REDIC1: variants seen among roughly 807,000 people sequenced by gnomAD.
REDIC1 encodes HEI10 Interacting Protein 1.
At chr12:39,710,677 C>T in the REDIC1 span, among the ~76,000 whole-genome samples, 1 of 151,678 alleles carries the variant, frequency 6.6e-6, no homozygotes, top group Non-Finnish European at 1.5e-5. Flanking sequence ...TATAAATTAT[C>T]ACCAAACCTC....
the REDIC1 span, among the ~76,000 whole-genome samples, chr12:39,868,257 A>G: frequency 1.1e-3 from 167 of 152,302 alleles, 2 homozygotes; most frequent in African/African-American, 3.7e-3. Flanking sequence ...ACAGTATTAG[A>G]TTTTGGAATT....
At chr12:39,696,199 T>C in the REDIC1 span, among the ~76,000 whole-genome samples, 2 of 151,808 alleles carry the variant, frequency 1.3e-5, no homozygotes, top group Non-Finnish European at 2.9e-5. Flanking sequence ...CAAACAAACA[T>C]CTACAAGCAG....
chr12:39,776,586 G>A, the REDIC1 span, among the ~76,000 whole-genome samples: 1 of 152,210 alleles, frequency 6.6e-6, no homozygotes, highest in Admixed American at 6.5e-5. Context: ...AGGCCATACT[G>A]CAATAGAAGC....
the REDIC1 span, among the ~76,000 whole-genome samples, chr12:39,857,247 T>C: frequency 1.3e-5 from 2 of 152,214 alleles, no homozygotes; most frequent in African/African-American, 4.8e-5. Context: ...AATAAGGATA[T>C]AAATTACAGA....
chr12:39,634,222 G>C, the REDIC1 span, among the ~76,000 whole-genome samples: 2 of 151,866 alleles, frequency 1.3e-5, no homozygotes, highest in African/African-American at 4.8e-5. Context: ...TCATGATTTG[G>C]CTCTCTGTTT....
the REDIC1 span, among the ~76,000 whole-genome samples, chr12:39,633,714 T>C: frequency 6.6e-6 from 1 of 152,154 alleles, no homozygotes; most frequent in East Asian, 1.9e-4. Context: ...CACTAGATGA[T>C]AGGAAGGTTT....
chr12:39,821,543 T>A, the REDIC1 span, among the ~76,000 whole-genome samples: 1 of 152,206 alleles, frequency 6.6e-6, no homozygotes, highest in African/African-American at 2.4e-5. Flanking sequence ...AAACCCAAGC[T>A]TAATGCGTTG....
chr12:39,833,584 T>C, the REDIC1 span, among the ~76,000 whole-genome samples: 2 of 152,028 alleles, frequency 1.3e-5, no homozygotes, highest in Non-Finnish European at 2.9e-5. Context: ...CTGAACACTT[T>C]TCAACCTCTA....
the REDIC1 span, among the ~76,000 whole-genome samples, chr12:39,890,582 A>T: frequency 6.6e-6 from 1 of 152,222 alleles, no homozygotes; most frequent in Non-Finnish European, 1.5e-5. Context: ...TTTCTGACAT[A>T]CTAGACTGTA....
chr12:39,639,404 G>A, the REDIC1 span, among the ~76,000 whole-genome samples: 1 of 152,028 alleles, frequency 6.6e-6, no homozygotes, highest in South Asian at 2.1e-4. Context: ...TTGCATGGGG[G>A]AACAAAGTTA....
At chr12:39,697,077 C>T in the REDIC1 span, among the ~76,000 whole-genome samples, 1 of 149,590 alleles carries the variant, frequency 6.7e-6, no homozygotes, top group Admixed American at 6.6e-5. Context: ...TTAATAAACT[C>T]CTAAAGATCA....
chr12:39,845,800 G>A, the REDIC1 span, among the ~76,000 whole-genome samples: 2 of 152,100 alleles, frequency 1.3e-5, no homozygotes, highest in East Asian at 1.9e-4. Context: ...AAACCAATAG[G>A]AATTAGGGAA....
the REDIC1 span, among the ~76,000 whole-genome samples, chr12:39,851,579 T>C: frequency 2.0e-5 from 3 of 152,302 alleles, no homozygotes; most frequent in Admixed American, 6.5e-5. Context: ...AGCAACATTA[T>C]CATCCATGCT....
At chr12:39,874,954 T>C in the REDIC1 span, among the ~76,000 whole-genome samples, 2 of 152,234 alleles carry the variant, frequency 1.3e-5, no homozygotes, top group African/African-American at 4.8e-5. Flanking sequence ...TGAAATTCAC[T>C]GACAGCCTTG....
the REDIC1 span, among the ~76,000 whole-genome samples, chr12:39,804,893 A>G: frequency 6.7e-6 from 1 of 150,368 alleles, no homozygotes; most frequent in Admixed American, 6.7e-5. Context: ...CTGTTTTGAC[A>G]GGGCTCTCAG....
At chr12:39,735,267 C>G in the REDIC1 span, among the ~76,000 whole-genome samples, 1 of 151,946 alleles carries the variant, frequency 6.6e-6, no homozygotes, top group East Asian at 1.9e-4. Context: ...ACTATATGCC[C>G]CTAGAGGTGG....
the REDIC1 span, among the ~76,000 whole-genome samples, chr12:39,718,897 A>G: frequency 2.0e-4 from 30 of 152,256 alleles, no homozygotes; most frequent in African/African-American, 6.7e-4. Context: ...TAGATCCTTC[A>G]GCTTCCTTTT....
chr12:39,745,437 C>T, the REDIC1 span, among the ~76,000 whole-genome samples: 1 of 152,168 alleles, frequency 6.6e-6, no homozygotes, highest in African/African-American at 2.4e-5. Context: ...ATGTAAGTGA[C>T]TCTGCTTCCT....
the REDIC1 span, chr12:39,644,042 C>A: frequency 1.3e-6 from 1 of 747,624 alleles, no homozygotes; most frequent in Non-Finnish European, 2.1e-6. Context: ...TTTGGTTGCT[C>A]TCTTAAATTA....
Sources: gnomAD v4.1 joint callset for allele counts (sites outside exome capture counted in the v4.1 genomes callset) on GRCh38, gnomAD v4.1.1 for gene constraint, MANE v1.5 for transcripts, NCBI Gene and HGNC (gene_info 2026-07-23, HGNC 2026-07-21) for gene names.